Variants in HLCS observed in about 807,000 individuals in gnomAD.
The protein encoded by HLCS is biotin--protein ligase.
A neutral mutation model predicts 75.0 loss-of-function variants in HLCS; 53 were observed. That is an observed-to-expected ratio of 0.71 (90% CI 0.57 to 0.89). HLCS has a LOEUF of 0.89. HLCS is among the 40% of genes least tolerant of loss of function. The probability of loss-of-function intolerance (pLI) is 0.00; values close to 1 mark genes in which losing one functional copy is unlikely to be tolerated. For synonymous variants in HLCS, 431 were observed against 428.6 expected (o/e 1.01, Z -0.07); for missense variants, 966 against 1,074.0 (o/e 0.90, Z 1.41).
intron 6 of HLCS, among the ~76,000 whole-genome samples, chr21:36,824,711 C>A (rs1045843491): frequency 6.6e-6 from 1 of 152,152 alleles, no homozygotes; most frequent in African/African-American, 2.4e-5. Context: ...AGGGATTTTA[C>A]GAGAACTAGA....
intron 6 of HLCS, among the ~76,000 whole-genome samples, chr21:36,775,438 A>C (rs894473339): frequency 6.6e-6 from 1 of 152,202 alleles, no homozygotes; most frequent in African/African-American, 2.4e-5. Flanking sequence ...TCTATCTTAA[A>C]CTGGTGCTAT....
intron 1 of HLCS, among the ~76,000 whole-genome samples, chr21:36,965,940 T>TTTTG (rs541682073): frequency 0.016 from 2,484 of 152,220 alleles, 37 homozygotes; most frequent in Non-Finnish European, 0.028. Context: ...TTTTGTTTTT[T>TTTTG]GTAGAGAGGG....
rs146841900 is a variant in HLCS at position 36,958,240 on chromosome 21, C to CAA, written c.330+3794_330+3795dup. ...CCTGGGCGACAGAGTGAGACTGTCTCAAAAAAAAAAAAAAAAGAAAGAAAG... is the reference window on the plus strand; with the variant it reads ...CCTGGGCGACAGAGTGAGACTGTCTCAAAAAAAAAAAAAAAAAAGAAAGAAAG... On this transcript the variant is annotated intron_variant, in intron 2 of 10. Coordinates refer to ENST00000674895, the MANE Select transcript of HLCS (RefSeq NM_001352514.2). Among the ~76,000 whole-genome samples the CAA allele has an allele frequency of 4.8e-4, 64 of 133,322 alleles. 1 individual carries two copies. Among genetic ancestry groups the CAA allele is most frequent in the African/African-American group, 1.7e-3 (60 of 35,092 alleles). The allele number at this position is 133,322 out of a possible 152,430, so 87.5% of individuals were successfully genotyped here. A position where few individuals can be genotyped will look rare whatever the true frequency, so the allele number is the denominator to read the frequency against.
intron 6 of HLCS, among the ~76,000 whole-genome samples, chr21:36,793,456 C>A (rs904292428): frequency 1.3e-5 from 2 of 152,088 alleles, no homozygotes; most frequent in African/African-American, 2.4e-5. Flanking sequence ...CATGCACCAC[C>A]ATGCCCAAAT....
chr21:36,805,527 A>G (rs116561607), intron 6 of HLCS, among the ~76,000 whole-genome samples: 1,882 of 152,346 alleles, frequency 0.012, 33 homozygotes, highest in African/African-American at 0.042. Flanking sequence ...CAGGGCCACC[A>G]GGGTACCTTC....
intron 1 of HLCS, chr21:36,974,259 C>A (rs2068876123): frequency 6.6e-6 from 1 of 152,422 alleles, no homozygotes; most frequent in Non-Finnish European, 1.5e-5. Flanking sequence ...CCGCTCCACA[C>A]CTCCAGCCCA....
intron 1 of HLCS, chr21:36,980,396 C>G (rs2069085665): frequency 6.6e-6 from 1 of 152,254 alleles, no homozygotes. Flanking sequence ...CATCCAGCCC[C>G]CATTGAAGCA....
Position 36,959,530 on chromosome 21 carries a change from G to A in HLCS, c.330+2506C>T, listed in dbSNP as rs560494552. The stretch of plus-strand genomic sequence containing the variant: ...ACGCCCTGCCTTCAAGCCAAGACCA[G>A]CCCAAAACCTGGGGACCTGGCTGTC... On this transcript the variant is annotated intron_variant, in intron 2 of 10. Coordinates refer to ENST00000674895, the MANE Select transcript of HLCS (RefSeq NM_001352514.2). Among the ~76,000 whole-genome samples the A allele has an allele frequency of 3.3e-5, 5 of 152,316 alleles. No homozygotes were observed. The South Asian group carries it at 1.0e-3, about 32-fold the overall frequency.
At position 36,849,333 on chromosome 21, in the gene HLCS, T is replaced by C. The variant is rs147811297; in HGVS notation, c.1892+47527A>G. ...ACATAAATATATGTGCATATACATA[T>C]AGATTTTACTTGCATCAAAAGGTAA... is the stretch of plus-strand genomic sequence containing the variant. On this transcript the variant is annotated intron_variant, in intron 6 of 10. Coordinates refer to ENST00000674895, the MANE Select transcript of HLCS (RefSeq NM_001352514.2). Among the ~76,000 whole-genome samples the C allele has an allele frequency of 4.3e-3, 650 of 152,350 alleles. 2 individuals carry two copies. Among genetic ancestry groups the C allele is most frequent in the African/African-American group, 0.013 (556 of 41,584 alleles).
chr21:36,836,642 A>C (rs1197027271), intron 6 of HLCS, among the ~76,000 whole-genome samples: 1 of 151,902 alleles, frequency 6.6e-6, no homozygotes, highest in Non-Finnish European at 1.5e-5. Context: ...TCCAGAATCT[A>C]CAATGAACTC....
chr21:36,965,740 T>TG (rs1171576086), intron 1 of HLCS, among the ~76,000 whole-genome samples: 1 of 151,108 alleles, frequency 6.6e-6, no homozygotes, highest in African/African-American at 2.4e-5. Flanking sequence ...GATTTTTTTT[T>TG]TTTTTTCTTA....
intron 6 of HLCS, among the ~76,000 whole-genome samples, chr21:36,790,015 C>T (rs2060809313): frequency 6.6e-6 from 1 of 152,220 alleles, no homozygotes. Flanking sequence ...CACTGCTTTT[C>T]AAGAGGTTGC....
intron 6 of HLCS, among the ~76,000 whole-genome samples, chr21:36,770,907 A>C (rs944120162): frequency 1.3e-5 from 2 of 152,158 alleles, no homozygotes; most frequent in Admixed American, 6.5e-5. Flanking sequence ...ATAAGACCAA[A>C]AGGTCCGTTT....
intron 6 of HLCS, among the ~76,000 whole-genome samples, chr21:36,838,325 CA>C (rs1246894260): frequency 2.0e-5 from 3 of 151,638 alleles, no homozygotes; most frequent in African/African-American, 4.9e-5. Flanking sequence ...CACACACACA[CA>C]CACCCCCACA....
rs1008733851 is a variant in HLCS at position 36,753,449 on chromosome 21, C to A, written c.*797G>T. On this transcript the variant is annotated 3_prime_UTR_variant, in exon 11 of 11. Coordinates refer to ENST00000674895, the MANE Select transcript of HLCS (RefSeq NM_001352514.2). The surrounding 1 kb of genome is among the most constrained non-coding windows in gnomAD (Gnocchi z 4.3). ...GTCAGAGCCAAATCGCCCACCTCCT[C>A]ATCCAAGTGATGCCTAATCAGACAT... 2 of 152,234 alleles carry A rather than the reference C, an allele frequency of 1.3e-5. No homozygotes were observed. The highest frequency in any genetic ancestry group is 3.2e-3 in the Middle Eastern group (1 of 316). The allele number at this position is 152,234 out of a possible 1,614,324, so 9.4% of individuals were successfully genotyped here.
chr21:36,869,950 AG>A (rs1251772267), intron 6 of HLCS, among the ~76,000 whole-genome samples: 1 of 152,234 alleles, frequency 6.6e-6, no homozygotes, highest in Non-Finnish European at 1.5e-5. Flanking sequence ...GAGTGGGAAC[AG>A]GAATATGAAC....
intron 6 of HLCS, among the ~76,000 whole-genome samples, chr21:36,853,513 T>C (rs2063084336): frequency 6.6e-6 from 1 of 152,222 alleles, no homozygotes; most frequent in Non-Finnish European, 1.5e-5. Flanking sequence ...TATGTTATTG[T>C]ATTGATGAGG....
chr21:36,783,797 GCACATGCACACACA>G (rs1476483412), intron 6 of HLCS, among the ~76,000 whole-genome samples: 1 of 141,382 alleles, frequency 7.1e-6, no homozygotes, highest in Admixed American at 6.9e-5. Context: ...AAGCATGTGT[GCACATGCACACACA>G]CACATGCACA....
At chr21:36,851,643 T>G (rs2063011405) in intron 6 of HLCS, among the ~76,000 whole-genome samples, 1 of 152,220 alleles carries the variant, frequency 6.6e-6, no homozygotes. Context: ...AAAAATATTT[T>G]AATTGTACAT....
Sources: allele counts gnomAD v4.1 joint callset (sites outside exome capture counted in the v4.1 genomes callset), GRCh38; gene constraint gnomAD v4.1.1; non-coding constraint Gnocchi (gnomAD v3.1); transcripts MANE v1.5; gene names NCBI Gene and HGNC (gene_info 2026-07-23, HGNC 2026-07-21).